The following BORCS5 variants were observed in gnomAD, a reference collection of about 807,000 sequenced individuals.
BORCS5 encodes the protein BLOC-1-related complex subunit 5.
Under a neutral mutation model 22.1 loss-of-function variants are expected in BORCS5, and 17 were observed. The ratio of observed to expected loss-of-function variants is 0.77; its 90% CI spans 0.53 to 1.15. BORCS5 has a LOEUF of 1.15. Ranked by LOEUF, BORCS5 falls within the 50% of genes most tolerant of loss-of-function variation. The pLI is 0.00. For synonymous variants in BORCS5, 117 were observed against 99.8 expected (o/e 1.17, Z -1.03); for missense variants, 247 against 253.2 (o/e 0.98, Z 0.17).
intron 2 of BORCS5, among the ~76,000 whole-genome samples, chr12:12,396,173 A>C (rs1271665920): frequency 6.6e-6 from 1 of 151,330 alleles, no homozygotes; most frequent in Non-Finnish European, 1.5e-5. Context: ...TTTTTAGTAG[A>C]GATGGGTTTC....
chr12:12,462,616 G>C (rs1943128201), intron 3 of BORCS5, among the ~76,000 whole-genome samples: 2 of 152,126 alleles, frequency 1.3e-5, no homozygotes, highest in South Asian at 4.1e-4. Flanking sequence ...TTTAGCTCCA[G>C]CTTGGATGGT....
chr12:12,429,012 G>A (rs114184612), intron 2 of BORCS5, among the ~76,000 whole-genome samples: 2,614 of 152,262 alleles, frequency 0.017, 77 homozygotes, highest in African/African-American at 0.06. Context: ...CCAGAAGCCC[G>A]CAGAGGCCAG....
At chr12:12,419,918 T>A (rs937039696) in intron 2 of BORCS5, among the ~76,000 whole-genome samples, 1 of 152,246 alleles carries the variant, frequency 6.6e-6, no homozygotes, top group Non-Finnish European at 1.5e-5. Flanking sequence ...TAAATTTGTT[T>A]GAATTCTTTG....
chr12:12,374,304 GT>G (rs2136034136), intron 2 of BORCS5, among the ~76,000 whole-genome samples: 1 of 151,706 alleles, frequency 6.6e-6, no homozygotes, highest in East Asian at 1.9e-4. Flanking sequence ...GGTATTCTTA[GT>G]TTAAAAGTCT....
chr12:12,359,791 G>A (rs1047738776), intron 1 of BORCS5, among the ~76,000 whole-genome samples: 5 of 152,252 alleles, frequency 3.3e-5, no homozygotes, highest in African/African-American at 9.6e-5. Context: ...GTGGTAGGGT[G>A]GATAGACAGC....
chr12:12,469,704 C>T lies in BORCS5; in HGVS notation c.*3928C>T, dbSNP rs1012818430. On this transcript the variant is annotated 3_prime_UTR_variant, in exon 4 of 4. Transcript: ENST00000314565. ...TTCTAGTGCAATTGGGAAACTTGGTCTTCCTGATTTGTTTATACTTCAGCC... is the reference window on the plus strand; with the variant it reads ...TTCTAGTGCAATTGGGAAACTTGGTTTTCCTGATTTGTTTATACTTCAGCC... The T allele has an allele frequency of 3.3e-5, 5 of 152,218 alleles. 1 individual carries two copies. Among genetic ancestry groups the T allele is most frequent in the Non-Finnish European group, 7.3e-5 (5 of 68,036 alleles). 9.4% of individuals were successfully genotyped at this position (152,218 alleles called of 1,614,324 possible).
chr12:12,437,264 A>C (rs965411237), intron 3 of BORCS5, among the ~76,000 whole-genome samples: 1 of 152,168 alleles, frequency 6.6e-6, no homozygotes, highest in Non-Finnish European at 1.5e-5. Context: ...CCCCTACACA[A>C]GCTCTCTTGC....
chr12:12,368,154 C>T (rs1863442758), intron 2 of BORCS5, among the ~76,000 whole-genome samples: 1 of 152,104 alleles, frequency 6.6e-6, no homozygotes, highest in African/African-American at 2.4e-5. Flanking sequence ...TCTTTTCATG[C>T]TTGAAGTTTT....
chr12:12,438,465 C>T (rs551630612), intron 3 of BORCS5, among the ~76,000 whole-genome samples: 2 of 151,866 alleles, frequency 1.3e-5, no homozygotes, highest in South Asian at 2.1e-4. Context: ...AACTGACTAG[C>T]TCTATATCAG....
intron 2 of BORCS5, among the ~76,000 whole-genome samples, chr12:12,384,858 G>A (rs991279062): frequency 3.3e-5 from 5 of 151,150 alleles, no homozygotes; most frequent in African/African-American, 9.7e-5. Flanking sequence ...GCTGGGGGCC[G>A]TCTGGGCAGC....
At chr12:12,377,084 T>A (rs1769417190) in intron 2 of BORCS5, among the ~76,000 whole-genome samples, 1 of 152,156 alleles carries the variant, frequency 6.6e-6, no homozygotes, top group South Asian at 2.1e-4. Flanking sequence ...TGACCTTAAT[T>A]TTTTGGAGAG....
chr12:12,444,818 TTC>T (rs140533420), intron 3 of BORCS5, among the ~76,000 whole-genome samples: 10,801 of 152,342 alleles, frequency 0.071, 563 homozygotes, highest in East Asian at 0.23. Context: ...GTGTTAAATA[TTC>T]TGTTTGTTTA....
At chr12:12,460,053 C>T (rs925616741) in intron 3 of BORCS5, among the ~76,000 whole-genome samples, 15 of 152,168 alleles carry the variant, frequency 9.9e-5, no homozygotes, top group African/African-American at 3.4e-4. Flanking sequence ...TAAAACAATG[C>T]CTTCTAGACT....
intron 2 of BORCS5, among the ~76,000 whole-genome samples, chr12:12,431,998 T>C (rs1047685651): frequency 2.6e-5 from 4 of 152,226 alleles, no homozygotes; most frequent in African/African-American, 9.6e-5. Flanking sequence ...CCAGCCTTAT[T>C]TGCAATTTCT....
chr12:12,410,722 T>A (rs975410040), intron 2 of BORCS5, among the ~76,000 whole-genome samples: 1 of 152,234 alleles, frequency 6.6e-6, no homozygotes, highest in Admixed American at 6.5e-5. Flanking sequence ...TCTTTTTTGG[T>A]TCCATATGAA....
intron 2 of BORCS5, among the ~76,000 whole-genome samples, chr12:12,366,597 A>T (rs1863411438): frequency 6.6e-6 from 1 of 152,256 alleles, no homozygotes; most frequent in Admixed American, 6.5e-5. Flanking sequence ...CTGTGACAGA[A>T]CACAAAGGCA....
At position 12,470,868 on chromosome 12, in the gene BORCS5, C is replaced by T. The variant is rs1294108014; in HGVS notation, c.*5092C>T. Reference sequence around the variant, plus strand: ...CGTGTCCATGCCTCCGGGATTTTTCCAGGGTTATCAATGTCAGTGTAAGAT... The same window carrying T: ...CGTGTCCATGCCTCCGGGATTTTTCTAGGGTTATCAATGTCAGTGTAAGAT... On this transcript the variant is annotated 3_prime_UTR_variant, in exon 4 of 4. Coordinates refer to ENST00000314565, the MANE Select transcript of BORCS5 (RefSeq NM_058169.6). Among the ~76,000 whole-genome samples, 1 of 152,004 alleles carries T rather than the reference C, an allele frequency of 6.6e-6. No individual in the cohort carries two copies. Among genetic ancestry groups the T allele is most frequent in the Non-Finnish European group, 1.5e-5 (1 of 68,004 alleles).
intron 2 of BORCS5, among the ~76,000 whole-genome samples, chr12:12,430,743 CAG>C (rs1401444493): frequency 6.6e-6 from 1 of 152,170 alleles, no homozygotes. Context: ...TATATCATTT[CAG>C]AGTTTATTTA....
chr12:12,394,617 G>A (rs537013555), intron 2 of BORCS5, among the ~76,000 whole-genome samples: 1 of 151,996 alleles, frequency 6.6e-6, no homozygotes, highest in African/African-American at 2.4e-5. Context: ...GTCTGCCTTG[G>A]CCTCCTGAGT....
Sources: gnomAD v4.1 joint callset for allele counts (sites outside exome capture counted in the v4.1 genomes callset) on GRCh38, gnomAD v4.1.1 for gene constraint, MANE v1.5 for transcripts, NCBI Gene and HGNC (gene_info 2026-07-23, HGNC 2026-07-21) for gene names.